The following TNFSF13 variants were observed in gnomAD, a reference collection of about 807,000 sequenced individuals.
TNFSF13 encodes the protein TNF superfamily member 13, also known as tumor necrosis factor ligand superfamily member 13.
Under a neutral mutation model 30.7 loss-of-function variants are expected in TNFSF13, and 18 were observed. That is an observed-to-expected ratio of 0.59 (90% CI 0.41 to 0.87). The LOEUF is 0.87. Ranked by LOEUF, TNFSF13 falls within the 40% of genes least tolerant of loss-of-function variation. The probability of loss-of-function intolerance (pLI) is 0.00; values close to 1 mark genes in which losing one functional copy is unlikely to be tolerated. For missense variants in TNFSF13, 286 were observed against 308.8 expected, an observed-to-expected ratio of 0.93 and a Z score of 0.55; for synonymous variants, 116 against 123.2, an observed-to-expected ratio of 0.94 and a Z score of 0.39.
chr17:7,559,607 C>T lies in TNFSF13; in HGVS notation c.259-17C>T. On this transcript the variant is annotated splice_polypyrimidine_tract_variant and intron_variant, in intron 1 of 5. Transcript: ENST00000338784. This position sits in a 1 kb window ranked among gnomAD's most constrained non-coding sequence, Gnocchi z 5.4. Reference sequence around the variant, plus strand: ...CCTCGCATCTTAACCTAACCTTGACCCTCTTTCCATGAGCAGAGTTCCGAT... The same window carrying T: ...CCTCGCATCTTAACCTAACCTTGACTCTCTTTCCATGAGCAGAGTTCCGAT... The T allele has an allele frequency of 1.2e-6, 2 of 1,612,262 alleles. No homozygotes were observed. Among genetic ancestry groups the T allele is most frequent in the Non-Finnish European group, 8.5e-7 (1 of 1,179,400 alleles).
Position 7,559,803 on chromosome 17 carries a change from G to T in TNFSF13, c.338-43G>T. ...GGTGGAGGCTGCCAACAGCACAACGGGGGAAAGTGGATGCGGCTGAGATTC... is the reference window on the plus strand; with the variant it reads ...GGTGGAGGCTGCCAACAGCACAACGTGGGAAAGTGGATGCGGCTGAGATTC... On this transcript the variant is annotated intron_variant, in intron 2 of 5. Transcript: ENST00000338784. The surrounding 1 kb of genome is among the most constrained non-coding windows in gnomAD (Gnocchi z 5.4). 1.2e-6 allele frequency: 2 copies of T among 1,614,090 alleles called. No individual in the cohort carries two copies. The highest frequency in any genetic ancestry group is 1.7e-6 in the Non-Finnish European group (2 of 1,180,008).
Position 7,561,129 on chromosome 17 carries a change from G to T in TNFSF13, c.*296G>T. ...GGTCGGGGCCCACTGGAAGCATCCA[G>T]AACAGCACCACCATCTAGCGGCCGC... On this transcript the variant is annotated 3_prime_UTR_variant, in exon 6 of 6. Transcript: ENST00000338784. The surrounding 1 kb of genome is among the most constrained non-coding windows in gnomAD (Gnocchi z 4.4). 1 of 1,476,986 alleles carries T rather than the reference G, an allele frequency of 6.8e-7. No individual in the cohort carries two copies. Among genetic ancestry groups the T allele is most frequent in the Middle Eastern group, 1.8e-4 (1 of 5,650 alleles). The allele number at this position is 1,476,986 out of a possible 1,614,324, so 91.5% of individuals were successfully genotyped here.
Position 7,560,100 on chromosome 17 carries a change from G to A in TNFSF13, c.437G>A (p.Arg146Lys). 1 of 1,614,162 alleles carries A rather than the reference G, an allele frequency of 6.2e-7. No homozygotes were observed. The highest frequency in any genetic ancestry group is 1.3e-5 in the African/African-American group (1 of 75,030). Residue 146 changes from arginine (R) to lysine (K), a missense_variant, in exon 4 of 6, where the codon AGA becomes AAA. Transcript: ENST00000338784. ...VMWQPALRRG[R>K]GLQAQGYGVR... ...TGGCAACCAGCTCTTAGGCGTGGGAGAGGCCTACAGGCCCAAGGATATGGT... is the reference window on the plus strand; with the variant it reads ...TGGCAACCAGCTCTTAGGCGTGGGAAAGGCCTACAGGCCCAAGGATATGGT...
chr17:7,560,935 A>T lies in TNFSF13; in HGVS notation c.*102A>T, dbSNP rs578201296. 1.2e-5 allele frequency: 19 copies of T among 1,614,102 alleles called. No individual in the cohort carries two copies. The highest frequency in any genetic ancestry group is 5.0e-5 in the Admixed American group (3 of 60,006). ...TAAAGGAGAGGGAATGTGCAGGAAC[A>T]GAGGCGTCTTCCTGGGTTTGGCTCC... On this transcript the variant is annotated 3_prime_UTR_variant, in exon 6 of 6. Transcript: ENST00000338784.
rs972239086 is a variant in TNFSF13, at chr17:7,559,399, C to T, written c.258+102C>T. 11 of 1,456,584 alleles carry T rather than the reference C, an allele frequency of 7.6e-6. No homozygotes were observed. The highest frequency in any genetic ancestry group is 2.9e-5 in the South Asian group (2 of 69,410). The allele number at this position is 1,456,584 out of a possible 1,614,324, so 90.2% of individuals were successfully genotyped here. On this transcript the variant is annotated intron_variant, in intron 1 of 5. Coordinates refer to ENST00000338784, the MANE Select transcript of TNFSF13 (RefSeq NM_003808.4). The surrounding 1 kb of genome is among the most constrained non-coding windows in gnomAD (Gnocchi z 5.4). ...TCAAGGGGGTGCAAGAGAGGGTCTC[C>T]GGTTTGGAAGTCAGGGGCGCGGCCA...
intron 4 of TNFSF13, 65 bp downstream of exon 4, chr17:7,560,232 C>T (rs1597833976): frequency 5.0e-6 from 8 of 1,611,204 alleles, no homozygotes; most frequent in Admixed American, 1.7e-5. Flanking sequence ...GGGTTCCTGA[C>T]CCCTCTATTC....
Position 7,561,044 on chromosome 17 carries a change from G to C in TNFSF13, c.*211G>C, listed in dbSNP as rs1042814715. 27 of 1,613,906 alleles carry C rather than the reference G, an allele frequency of 1.7e-5. No individual in the cohort carries two copies. Among genetic ancestry groups the C allele is most frequent in the Non-Finnish European group, 2.2e-5 (26 of 1,179,950 alleles). On this transcript the variant is annotated 3_prime_UTR_variant, in exon 6 of 6. Transcript: ENST00000338784. The surrounding 1 kb of genome is among the most constrained non-coding windows in gnomAD (Gnocchi z 4.4). ...TTGCTTCTGTTCCCCATGGAGCTCC[G>C]AATTCTTGCGTGTGTGTAGATGAGG...
chr17:7,560,849 T>C lies in TNFSF13; in HGVS notation c.*16T>C. On this transcript the variant is annotated 3_prime_UTR_variant, in exon 6 of 6. Transcript: ENST00000338784. ...GAAACTGTGATTGTGTTATAAAAAG[T>C]GGCTCCCAGCTTGGAAGACCAGGGT... The C allele has an allele frequency of 1.9e-6, 3 of 1,613,750 alleles. No individual in the cohort carries two copies. Among genetic ancestry groups the C allele is most frequent in the Non-Finnish European group, 2.5e-6 (3 of 1,179,742 alleles).
In TNFSF13 at chr17:7,558,975, C is replaced by T. The variant is rs1429229985; in HGVS notation, c.-65C>T. 2.0e-6 allele frequency: 3 copies of T among 1,479,478 alleles called. No individual in the cohort carries two copies. The Admixed American group carries it at 6.9e-5, about 34-fold the overall frequency. The allele number at this position is 1,479,478 out of a possible 1,614,324, so 91.6% of individuals were successfully genotyped here. ...TTCTGCACCACTGCCCGTACCCTTA[C>T]CCGCCCCGCCACCTCCTTGCTACCC... On this transcript the variant is annotated 5_prime_UTR_variant, in exon 1 of 6. Transcript: ENST00000338784. This position sits in a 1 kb window ranked among gnomAD's most constrained non-coding sequence, Gnocchi z 4.3.
chr17:7,561,235 C>T lies in TNFSF13; in HGVS notation c.*402C>T, dbSNP rs921779902. On this transcript the variant is annotated 3_prime_UTR_variant, in exon 6 of 6. Coordinates refer to ENST00000338784, the MANE Select transcript of TNFSF13 (RefSeq NM_003808.4). The surrounding 1 kb of genome is among the most constrained non-coding windows in gnomAD (Gnocchi z 4.4). ...AAAACCCCTGGTTCTCCATGCCACA[C>T]CTCTCTCCAGGTGCCCTCTGCCTCT... The T allele has an allele frequency of 1.6e-6, 1 of 625,640 alleles. No individual in the cohort carries two copies. The highest frequency in any genetic ancestry group is 2.8e-6 in the Non-Finnish European group (1 of 356,420). The allele number at this position is 625,640 out of a possible 1,614,324, so 38.8% of individuals were successfully genotyped here.
rs1209799912 is a variant in TNFSF13 at position 7,559,751 on chromosome 17, G to C, written c.337+49G>C. On this transcript the variant is annotated intron_variant, in intron 2 of 5. Transcript: ENST00000338784. This position sits in a 1 kb window ranked among gnomAD's most constrained non-coding sequence, Gnocchi z 5.4. Reference sequence around the variant, plus strand: ...GGGTGGGAGGTGATCAAGCAGCGTGGGGATTGTAAGCCCGAGTCAGGGTGA... The same window carrying C: ...GGGTGGGAGGTGATCAAGCAGCGTGCGGATTGTAAGCCCGAGTCAGGGTGA... 6.2e-7 allele frequency: 1 copy of C among 1,613,798 alleles called. No individual in the cohort carries two copies. Among genetic ancestry groups the C allele is most frequent in the East Asian group, 2.2e-5 (1 of 44,890 alleles).
chr17:7,560,023 C>A (rs1371030276), intron 3 of TNFSF13, 26 bp from the exon 4 acceptor site: 4 of 1,613,820 alleles, frequency 2.5e-6, no homozygotes, highest in African/African-American at 2.7e-5. Context: ...GCCAAGAAGT[C>A]CTGACCGACA....
chr17:7,559,398 C>T lies in TNFSF13; in HGVS notation c.258+101C>T, dbSNP rs1244123145. ...TTCAAGGGGGTGCAAGAGAGGGTCT[C>T]CGGTTTGGAAGTCAGGGGCGCGGCC... On this transcript the variant is annotated intron_variant, in intron 1 of 5. Transcript: ENST00000338784. The surrounding 1 kb of genome is among the most constrained non-coding windows in gnomAD (Gnocchi z 5.4). The T allele has an allele frequency of 6.9e-7, 1 of 1,457,956 alleles. No individual in the cohort carries two copies. Among genetic ancestry groups the T allele is most frequent in the Non-Finnish European group, 9.1e-7 (1 of 1,101,898 alleles). The allele number at this position is 1,457,956 out of a possible 1,614,324, so 90.3% of individuals were successfully genotyped here.
Position 7,560,538 on chromosome 17 carries a change from G to A in TNFSF13, c.643+50G>A. 3 of 1,612,984 alleles carry A rather than the reference G, an allele frequency of 1.9e-6. 1 individual carries two copies. Among genetic ancestry groups the A allele is most frequent in the East Asian group, 4.5e-5 (2 of 44,874 alleles). On this transcript the variant is annotated intron_variant, in intron 5 of 5. Coordinates refer to ENST00000338784, the MANE Select transcript of TNFSF13 (RefSeq NM_003808.4). ...AGCAGGACGTCTCTGACCGGGGGTA[G>A]CAGTGCAGGGAGCTACCGCTAGGAG...
At position 7,559,162 on chromosome 17, in the gene TNFSF13, C is replaced by T; in HGVS notation, c.123C>T (p.Ala41=). 2 of 1,612,632 alleles carry T rather than the reference C, an allele frequency of 1.2e-6. No homozygotes were observed. The highest frequency in any genetic ancestry group is 1.7e-6 in the Non-Finnish European group (2 of 1,179,328). The change falls in exon 1 of 6, where the codon GCC becomes GCT. Residue 41 remains alanine (A), a synonymous_variant. Coordinates refer to ENST00000338784, the MANE Select transcript of TNFSF13 (RefSeq NM_003808.4). The surrounding 1 kb of genome is among the most constrained non-coding windows in gnomAD (Gnocchi z 5.4). ...TGAGTTGGGGGGCAGCTCTGGGGGC[C>T]GTGGCTTGTGCCATGGCTCTGCTGA... ...LWLSWGAALG[A]VACAMALLTQ...
Position 7,559,840 on chromosome 17 carries a change from C to T in TNFSF13, c.338-6C>T. ...TGCGGCTGAGATTCCCTCCTTCTCT[C>T]CTCAGAGCAGCACTCTGTCCTGCAC... On this transcript the variant is annotated splice_region_variant and splice_polypyrimidine_tract_variant and intron_variant, in intron 2 of 5. Coordinates refer to ENST00000338784, the MANE Select transcript of TNFSF13 (RefSeq NM_003808.4). This position sits in a 1 kb window ranked among gnomAD's most constrained non-coding sequence, Gnocchi z 5.4. The T allele has an allele frequency of 6.2e-6, 10 of 1,614,080 alleles. No homozygotes were observed. Among genetic ancestry groups the T allele is most frequent in the Non-Finnish European group, 6.8e-6 (8 of 1,179,986 alleles).
At chr17:7,560,199 G>C in intron 4 of TNFSF13, 32 bp downstream of exon 4, 1 of 1,613,602 alleles carries the variant, frequency 6.2e-7, no homozygotes, top group South Asian at 1.1e-5. Context: ...GCTTCACAGA[G>C]GGCCTCTTTG....
In TNFSF13 at chr17:7,561,197, C is replaced by A; in HGVS notation, c.*364C>A. 1.2e-6 allele frequency: 1 copy of A among 829,692 alleles called. No individual in the cohort carries two copies. Among genetic ancestry groups the A allele is most frequent in the Non-Finnish European group, 1.9e-6 (1 of 519,798 alleles). 51.4% of individuals were successfully genotyped at this position (829,692 alleles called of 1,614,324 possible). On this transcript the variant is annotated 3_prime_UTR_variant, in exon 6 of 6. Transcript: ENST00000338784. This position sits in a 1 kb window ranked among gnomAD's most constrained non-coding sequence, Gnocchi z 4.4. ...CGGTTGGCCGAAGTCCACGAAGCCG[C>A]CCTCTGCTAGGGAAAACCCCTGGTT...
rs2071146181 is a variant in TNFSF13 at position 7,559,761 on chromosome 17, G to A, written c.337+59G>A. The A allele has an allele frequency of 6.2e-7, 1 of 1,613,924 alleles. No homozygotes were observed. On this transcript the variant is annotated intron_variant, in intron 2 of 5. Coordinates refer to ENST00000338784, the MANE Select transcript of TNFSF13 (RefSeq NM_003808.4). The surrounding 1 kb of genome is among the most constrained non-coding windows in gnomAD (Gnocchi z 5.4). Reference sequence around the variant, plus strand: ...TGATCAAGCAGCGTGGGGATTGTAAGCCCGAGTCAGGGTGAGGGTGGAGGC... The same window carrying A: ...TGATCAAGCAGCGTGGGGATTGTAAACCCGAGTCAGGGTGAGGGTGGAGGC...
Sources: allele counts gnomAD v4.1 joint callset, GRCh38; gene constraint gnomAD v4.1.1; non-coding constraint Gnocchi (gnomAD v3.1); transcripts MANE v1.5; gene names NCBI Gene and HGNC (gene_info 2026-07-23, HGNC 2026-07-21).